Variants in USP24 observed in about 807,000 individuals in gnomAD.
The protein encoded by USP24 is ubiquitin specific peptidase 24.
A neutral mutation model predicts 361.6 loss-of-function variants in USP24; 97 were observed. The observed-to-expected ratio is 0.27, with a 90% CI of 0.23 to 0.32. USP24 has a LOEUF of 0.32. USP24 is among the 10% of genes least tolerant of loss of function. USP24 has a pLI of 1.00. For synonymous variants in USP24, 1,098 were observed against 1,124.6 expected, an observed-to-expected ratio of 0.98 and a Z score of 0.47; for missense variants, 2,353 against 3,165.6, an observed-to-expected ratio of 0.74 and a Z score of 6.16.
chr1:55,085,797 G>GC, intron 56 of USP24, 145 bp downstream of exon 56: 1 of 719,794 alleles, frequency 1.4e-6, no homozygotes, highest in Non-Finnish European at 2.3e-6. Flanking sequence ...CTTCTCCCTG[G>GC]CATGTACCAA....
intron 50 of USP24, among the ~76,000 whole-genome samples, chr1:55,095,822 A>G (rs1645484342): frequency 6.6e-6 from 1 of 152,200 alleles, no homozygotes; most frequent in South Asian, 2.1e-4. Flanking sequence ...ACTATATCCA[A>G]CTCTTAAAGG....
At chr1:55,191,365 G>A (rs1187881511) in intron 1 of USP24, among the ~76,000 whole-genome samples, 2 of 152,046 alleles carry the variant, frequency 1.3e-5, no homozygotes, top group Non-Finnish European at 2.9e-5. Context: ...CTCTGTAACT[G>A]CCATAATGCT....
At position 55,077,292 on chromosome 1, in the gene USP24, T is replaced by G. The variant is rs1385998182; in HGVS notation, c.7323A>C (p.Leu2441=). Residue 2441 remains leucine, a synonymous_variant, in exon 62 of 68, where the codon CTA becomes CTC. Coordinates refer to ENST00000294383, the MANE Select transcript of USP24 (RefSeq NM_015306.3). ...FTMLHFIKNQ[L]ETAPPHELKN... ...TTAACTCATGAGGTGGAGCCGTTTC[T>G]AGTTGGTTCTGAAATATTTTTTAAA... is the stretch of plus-strand genomic sequence containing the variant. 1.9e-6 allele frequency: 3 copies of G among 1,560,472 alleles called. No individual in the cohort carries two copies. The highest frequency in any genetic ancestry group is 2.6e-6 in the Non-Finnish European group (3 of 1,149,180).
At chr1:55,143,420 G>A (rs1039796111) in intron 21 of USP24, among the ~76,000 whole-genome samples, 1 of 152,166 alleles carries the variant, frequency 6.6e-6, no homozygotes, top group Non-Finnish European at 1.5e-5. Flanking sequence ...CAGAAATAGA[G>A]CAGGAGTGAG....
chr1:55,097,958 T>G lies in USP24; in HGVS notation c.5580A>C (p.Glu1860Asp). Residue 1860 changes from glutamate to aspartate, a missense_variant, in exon 47 of 68, where the codon GAA becomes GAC. By Grantham distance (45) the Glu-to-Asp change is conservative. Coordinates refer to ENST00000294383, the MANE Select transcript of USP24 (RefSeq NM_015306.3). ...AACATAATACCTTTTCTTTACACTTTTCACAGTAGTACGCATTACTTCCTT... is the reference window on the plus strand; with the variant it reads ...AACATAATACCTTTTCTTTACACTTGTCACAGTAGTACGCATTACTTCCTT... Reference protein sequence around the residue: ...VLEGSNAYYCEKCKEKRITVK... With the variant: ...VLEGSNAYYCDKCKEKRITVK... 4.4e-6 allele frequency: 7 copies of G among 1,601,028 alleles called. No homozygotes were observed. Among genetic ancestry groups the G allele is most frequent in the Non-Finnish European group, 5.9e-6 (7 of 1,176,608 alleles).
chr1:55,113,774 G>A (rs1646023958), intron 38 of USP24, among the ~76,000 whole-genome samples: 2 of 152,110 alleles, frequency 1.3e-5, no homozygotes, highest in South Asian at 4.2e-4. Context: ...AATAATAAGA[G>A]CTATTTATGA....
chr1:55,147,155 T>C, intron 18 of USP24, 95 bp from the exon 19 acceptor site: 1 of 1,229,810 alleles, frequency 8.1e-7, no homozygotes, highest in Non-Finnish European at 1.1e-6. Flanking sequence ...TAACAACAGT[T>C]TTACTTAATC....
At chr1:55,201,426 C>A (rs2100920409) in intron 1 of USP24, among the ~76,000 whole-genome samples, 1 of 151,014 alleles carries the variant, frequency 6.6e-6, no homozygotes, top group South Asian at 2.1e-4. Flanking sequence ...GATGGTGAAA[C>A]CCCATCTCTA....
At chr1:55,143,408 A>C (rs1646943409) in intron 21 of USP24, among the ~76,000 whole-genome samples, 1 of 152,246 alleles carries the variant, frequency 6.6e-6, no homozygotes. Flanking sequence ...AGGCTACTGA[A>C]GCAGAAATAG....
At chr1:55,083,713 A>T in intron 57 of USP24, 59 bp downstream of exon 57, 1 of 1,340,048 alleles carries the variant, frequency 7.5e-7, no homozygotes. Flanking sequence ...CAGTCTAAAA[A>T]TTTTTTAGAG....
At chr1:55,144,458 T>C (rs575800427) in intron 20 of USP24, among the ~76,000 whole-genome samples, 44 of 152,282 alleles carry the variant, frequency 2.9e-4, no homozygotes, top group African/African-American at 1.0e-3. Context: ...AAATCAACTA[T>C]CTGATAAGGA....
Position 55,147,753 on chromosome 1 carries a change from C to G in USP24, c.2014G>C (p.Val672Leu). Residue 672 changes from valine (V) to leucine (L), a missense_variant, in exon 18 of 68, where the codon GTA (valine) becomes CTA (leucine). Val to Leu is a conservative substitution (Grantham distance 32). Coordinates refer to ENST00000294383, the MANE Select transcript of USP24 (RefSeq NM_015306.3). ...LKKNFEIVKL[V>L]TGSLIACHRL... Reference sequence around the variant, plus strand: ...TGACAAGCGATCAAACTTCCCGTTACCAATTTCACTATTTCAAAATTCTTC... The same window carrying G: ...TGACAAGCGATCAAACTTCCCGTTAGCAATTTCACTATTTCAAAATTCTTC... 2 of 1,612,738 alleles carry G rather than the reference C, an allele frequency of 1.2e-6. No homozygotes were observed. The highest frequency in any genetic ancestry group is 1.7e-6 in the Non-Finnish European group (2 of 1,179,278).
intron 42 of USP24, among the ~76,000 whole-genome samples, chr1:55,103,423 AG>A: frequency 6.6e-6 from 1 of 152,284 alleles, no homozygotes; most frequent in East Asian, 1.9e-4. Flanking sequence ...GACCTTCTTG[AG>A]GGCTGGGATC....
chr1:55,132,405 T>C (rs1646618822), intron 31 of USP24, 140 bp downstream of exon 31: 2 of 1,085,012 alleles, frequency 1.8e-6, no homozygotes, highest in Middle Eastern at 2.2e-4. Context: ...TTTCAATTTA[T>C]AATCTATTTC....
At chr1:55,174,016 G>A (rs1328429687) in intron 3 of USP24, among the ~76,000 whole-genome samples, 1 of 152,176 alleles carries the variant, frequency 6.6e-6, no homozygotes, top group African/African-American at 2.4e-5. Flanking sequence ...AGTACCTTGT[G>A]AAGAAGATGC....
At chr1:55,151,525 G>C (rs1647191060) in intron 16 of USP24, among the ~76,000 whole-genome samples, 1 of 152,180 alleles carries the variant, frequency 6.6e-6, no homozygotes, top group African/African-American at 2.4e-5. Context: ...CAGGCGCTAT[G>C]GTAGGTGGCC....
In USP24 at chr1:55,092,820, C is replaced by T. The variant is rs1187124840; in HGVS notation, c.6450+1G>A. 1.3e-6 allele frequency: 2 copies of T among 1,565,434 alleles called. No homozygotes were observed. The highest frequency in any genetic ancestry group is 1.8e-5 in the Admixed American group (1 of 54,446). On this transcript the variant is annotated splice_donor_variant, in intron 53 of 67. Coordinates refer to ENST00000294383, the MANE Select transcript of USP24 (RefSeq NM_015306.3). LOFTEE classifies it high-confidence loss of function. ...TTCTAACAATCCAGTTAGTTACTTA[C>T]AGCATTCAATGAAGCTAAAGACAAA...
At chr1:55,093,006 A>G in intron 52 of USP24, 90 bp from the exon 53 acceptor site, 1 of 784,358 alleles carries the variant, frequency 1.3e-6, no homozygotes, top group South Asian at 2.4e-5. Flanking sequence ...AAATATAGGT[A>G]AAAAGCACTT....
chr1:55,077,375 C>T (rs1485956767), intron 61 of USP24, 75 bp from the exon 62 acceptor site: 25 of 1,336,430 alleles, frequency 1.9e-5, no homozygotes, highest in African/African-American at 8.8e-5. Context: ...GCTGGATCCA[C>T]GTTCTAGCTC....
Sources: gnomAD v4.1 joint callset for allele counts (sites outside exome capture counted in the v4.1 genomes callset) on GRCh38, gnomAD v4.1.1 for gene constraint, MANE v1.5 for transcripts, NCBI Gene and HGNC (gene_info 2026-07-23, HGNC 2026-07-21) for gene names.